The following NFIC variants were observed in gnomAD, a reference collection of about 807,000 sequenced individuals.
NFIC encodes the protein nuclear factor 1 C-type.
NFIC carries 12 observed loss-of-function variants against 54.4 expected under a neutral mutation model. The ratio of observed to expected loss-of-function variants is 0.22; its 90% CI spans 0.14 to 0.36. The LOEUF is 0.36. Among genes scored for constraint, NFIC ranks in the 10% least tolerant of loss-of-function variants. The pLI, the probability that NFIC is intolerant of heterozygous loss-of-function variation, is 1.00. For synonymous variants in NFIC, 322 were observed against 319.2 expected, an observed-to-expected ratio of 1.01 and a Z score of -0.09; for missense variants, 575 against 718.2, an observed-to-expected ratio of 0.80 and a Z score of 2.28.
chr19:3,411,061 G>C (rs1227178226), intron 2 of NFIC: 2 of 152,146 alleles, frequency 1.3e-5, no homozygotes, highest in Non-Finnish European at 1.5e-5. Flanking sequence ...GCCCAGGCTG[G>C]AGTGCAGTGG....
chr19:3,422,091 C>G (rs1488419342), intron 2 of NFIC, among the ~76,000 whole-genome samples: 1 of 152,080 alleles, frequency 6.6e-6, no homozygotes, highest in African/African-American at 2.4e-5. Flanking sequence ...CATGCACCAC[C>G]ATGCCCGGCT....
At chr19:3,367,709 A>G (rs2080922402) in intron 1 of NFIC, among the ~76,000 whole-genome samples, 1 of 152,230 alleles carries the variant, frequency 6.6e-6, no homozygotes, top group Admixed American at 6.5e-5. Context: ...TTCTGGCCTC[A>G]GTTTCCCCTG....
intron 3 of NFIC, among the ~76,000 whole-genome samples, chr19:3,432,076 G>A (rs1365061843): frequency 6.6e-6 from 1 of 152,156 alleles, no homozygotes; most frequent in Non-Finnish European, 1.5e-5. Context: ...TGGATGCTTA[G>A]TAAACGCCTG....
intron 3 of NFIC, among the ~76,000 whole-genome samples, chr19:3,426,995 C>T (rs1217756947): frequency 1.3e-5 from 2 of 149,886 alleles, no homozygotes; most frequent in African/African-American, 2.5e-5. Context: ...GGCGCAATCT[C>T]GGCTCACTGC....
chr19:3,400,644 C>G (rs1293219541), intron 2 of NFIC, among the ~76,000 whole-genome samples: 1 of 152,186 alleles, frequency 6.6e-6, no homozygotes, highest in Non-Finnish European at 1.5e-5. Flanking sequence ...AGTTCAAGAC[C>G]AGCCTGGCCA....
At chr19:3,382,971 G>A (rs932904689) in intron 2 of NFIC, among the ~76,000 whole-genome samples, 7 of 151,432 alleles carry the variant, frequency 4.6e-5, no homozygotes, top group Admixed American at 2.0e-4. Context: ...GGGCTGTGGC[G>A]CTCCAATGGT....
chr19:3,447,188 A>C (rs955711665), intron 6 of NFIC, among the ~76,000 whole-genome samples: 8 of 150,506 alleles, frequency 5.3e-5, no homozygotes, highest in Non-Finnish European at 7.4e-5. Context: ...AATCCCAGCT[A>C]CTCGGGAGGC....
intron 2 of NFIC, among the ~76,000 whole-genome samples, chr19:3,423,149 G>A (rs1204529314): frequency 2.6e-5 from 4 of 152,064 alleles, no homozygotes; most frequent in Admixed American, 6.6e-5. Flanking sequence ...AGCAAGCCGC[G>A]ATCGCACCAC....
Position 3,467,436 on chromosome 19 carries a change from C to T in NFIC, c.*4667C>T, listed in dbSNP as rs949080846. On this transcript the variant is annotated 3_prime_UTR_variant, in exon 11 of 11. Coordinates refer to ENST00000443272, the MANE Select transcript of NFIC (RefSeq NM_001245002.2). The stretch of plus-strand genomic sequence containing the variant: ...AGGTCTGGAACCCAGGTTCTGACCC[C>T]AGGGCCCCACCCTGGGCTGGACAAT... The T allele has an allele frequency of 2.0e-5, 3 of 151,572 alleles. No individual in the cohort carries two copies. Among genetic ancestry groups the T allele is most frequent in the African/African-American group, 7.3e-5 (3 of 41,216 alleles). 9.4% of individuals were successfully genotyped at this position (151,572 alleles called of 1,614,324 possible). A position where few individuals can be genotyped will look rare whatever the true frequency, so the allele number is the denominator to read the frequency against.
upstream of NFIC, among the ~76,000 whole-genome samples, chr19:3,363,269 A>ATTTTTTTTT (rs1178364391): frequency 2.7e-5 from 1 of 36,688 alleles, no homozygotes; most frequent in Non-Finnish European, 4.5e-5. Flanking sequence ...ATATATATAT[A>ATTTTTTTTT]TTTTTTTTTT....
chr19:3,452,436 C>T lies in NFIC; in HGVS notation c.1085-46C>T. ...CACAGTCACACGGTCACAGAGCAGA[C>T]CGGCTGGAGCCCCCAAGTAACCCCC... On this transcript the variant is annotated intron_variant, in intron 7 of 10. Coordinates refer to ENST00000443272, the MANE Select transcript of NFIC (RefSeq NM_001245002.2). The surrounding 1 kb of genome is among the most constrained non-coding windows in gnomAD (Gnocchi z 5.3). 2 of 1,600,944 alleles carry T rather than the reference C, an allele frequency of 1.2e-6. No individual in the cohort carries two copies. Among genetic ancestry groups the T allele is most frequent in the Non-Finnish European group, 1.7e-6 (2 of 1,176,272 alleles).
intron 1 of NFIC, among the ~76,000 whole-genome samples, chr19:3,380,892 A>G (rs929926266): frequency 6.6e-6 from 1 of 151,790 alleles, no homozygotes; most frequent in Non-Finnish European, 1.5e-5. Context: ...GGGCTCAAGC[A>G]GTCCTCCCTC....
intron 3 of NFIC, among the ~76,000 whole-genome samples, chr19:3,429,251 T>TACACACACACACACACACACAC (rs1223236383): frequency 3.6e-5 from 1 of 27,568 alleles, no homozygotes; most frequent in Non-Finnish European, 7.0e-5. Flanking sequence ...AAAAAAAATA[T>TACACACACACACACACACACAC]ATACACACAC....
At chr19:3,462,156 T>C (rs1200636167) in intron 10 of NFIC, among the ~76,000 whole-genome samples, 1 of 151,758 alleles carries the variant, frequency 6.6e-6, no homozygotes, top group African/African-American at 2.4e-5. Flanking sequence ...CCGAGGAAGG[T>C]GGATCACTTG....
intron 6 of NFIC, among the ~76,000 whole-genome samples, chr19:3,437,102 TCA>T (rs2082214933): frequency 6.6e-6 from 1 of 151,972 alleles, no homozygotes; most frequent in Non-Finnish European, 1.5e-5. Context: ...GCTCGGTGGC[TCA>T]CGCCTGTAAT....
intron 6 of NFIC, among the ~76,000 whole-genome samples, chr19:3,436,660 A>G (rs1053868457): frequency 6.6e-6 from 1 of 150,642 alleles, no homozygotes; most frequent in Non-Finnish European, 1.5e-5. Context: ...TTTTTAGTAG[A>G]GACAGTGTTT....
rs967797839 is a variant in NFIC at position 3,381,976 on chromosome 19, A to G, written c.295A>G (p.Lys99Glu). 2 of 1,613,376 alleles carry G rather than the reference A, an allele frequency of 1.2e-6. No individual in the cohort carries two copies. The highest frequency in any genetic ancestry group is 2.7e-5 in the African/African-American group (2 of 74,942). ...GGACTTCGTGCTGAGCATCACCGGCAAGAAGGCGCCGGGCTGCGTGCTCTC... is the reference window on the plus strand; with the variant it reads ...GGACTTCGTGCTGAGCATCACCGGCGAGAAGGCGCCGGGCTGCGTGCTCTC... ...REDFVLSITG[K>E]KAPGCVLSNP... The change falls in exon 2 of 11, where the codon AAG becomes GAG. Residue 99 changes from lysine to glutamate, a missense_variant. Coordinates refer to ENST00000443272, the MANE Select transcript of NFIC (RefSeq NM_001245002.2).
At chr19:3,401,384 C>T (rs900520151) in intron 2 of NFIC, among the ~76,000 whole-genome samples, 1 of 152,040 alleles carries the variant, frequency 6.6e-6, no homozygotes, top group Non-Finnish European at 1.5e-5. Context: ...TGCAAGCAGG[C>T]GGTAGCAGGG....
intron 1 of NFIC, among the ~76,000 whole-genome samples, chr19:3,367,261 AGGAGGGGGAAGGGTGCTCCGGC>A: frequency 6.6e-6 from 1 of 152,104 alleles, no homozygotes; most frequent in South Asian, 2.1e-4. Flanking sequence ...TTGGAGGCCC[AGGAGGGGGAAGGGTGCTCCGGC>A]GGCCCGGCTG....
Sources: allele counts gnomAD v4.1 joint callset (sites outside exome capture counted in the v4.1 genomes callset), GRCh38; gene constraint gnomAD v4.1.1; non-coding constraint Gnocchi (gnomAD v3.1); transcripts MANE v1.5; gene names NCBI Gene and HGNC (gene_info 2026-07-23, HGNC 2026-07-21).